COLGALT1: variants seen among roughly 807,000 people sequenced by gnomAD.
The protein encoded by COLGALT1 is collagen beta(1-O)galactosyltransferase 1.
COLGALT1 carries 43 observed loss-of-function variants against 60.8 expected under a neutral mutation model. The observed-to-expected ratio is 0.71, with a 90% CI of 0.55 to 0.91. The LOEUF (loss-of-function observed/expected upper bound fraction) is 0.91, where lower values mean the gene tolerates loss of function less well. COLGALT1 is among the 40% of genes least tolerant of loss of function. The pLI is 0.00. For missense variants in COLGALT1, 845 were observed against 880.0 expected (o/e 0.96, Z 0.50); for synonymous variants, 369 against 374.2 (o/e 0.99, Z 0.16).
chr19:17,579,545 T>C lies in COLGALT1; in HGVS notation c.1330T>C (p.Phe444Leu), dbSNP rs2076365810. Residue 444 changes from phenylalanine to leucine, a missense_variant, in exon 10 of 12, where the codon TTC (phenylalanine) becomes CTC (leucine). Coordinates refer to ENST00000252599, the MANE Select transcript of COLGALT1 (RefSeq NM_024656.4). ...GGATGACCTGCGTTTTGAGATCTTC[T>C]TCAAGAGACGTCTGATGAACCTCAT... ...FEDDLRFEIF[F>L]KRRLMNLMRD... The C allele has an allele frequency of 6.2e-7, 1 of 1,614,090 alleles. No homozygotes were observed. The highest frequency in any genetic ancestry group is 8.5e-7 in the Non-Finnish European group (1 of 1,180,008).
intron 8 of COLGALT1, 100 bp downstream of exon 8, chr19:17,577,567 G>A: frequency 8.9e-7 from 1 of 1,124,234 alleles, no homozygotes; most frequent in Non-Finnish European, 1.2e-6. Flanking sequence ...GGCGGGCGTG[G>A]TGTCCAAACA....
intron 7 of COLGALT1, 36 bp downstream of exon 7, chr19:17,577,307 T>G (rs779202260): frequency 1.2e-5 from 20 of 1,610,520 alleles, no homozygotes; most frequent in Admixed American, 1.7e-5. Flanking sequence ...GGGCGGGGGC[T>G]GGAGGGCCCT....
rs1568485020 is a variant in COLGALT1 at position 17,583,126 on chromosome 19, G to A, written c.*1682G>A. On this transcript the variant is annotated 3_prime_UTR_variant, in exon 12 of 12. Transcript: ENST00000252599. ...CACCCTCTTGGGGATAACTTGCTTA[G>A]TTTTTTAATAAATGTTCCTGGTTGG... is the stretch of plus-strand genomic sequence containing the variant. 6.6e-6 allele frequency: 1 copy of A among 152,244 alleles called. No individual in the cohort carries two copies. The highest frequency in any genetic ancestry group is 1.9e-4 in the East Asian group (1 of 5,200). The allele number at this position is 152,244 out of a possible 1,614,324, so 9.4% of individuals were successfully genotyped here.
rs1488245407 is a variant in COLGALT1, at chr19:17,559,334, A to G, written c.284A>G (p.Asp95Gly). The change falls in exon 2 of 12, where the codon GAT becomes GGT. Residue 95 changes from aspartate (D) to glycine (G), a missense_variant. By Grantham distance (94) the Asp-to-Gly change is moderately conservative (BLOSUM62 -1). Coordinates refer to ENST00000252599, the MANE Select transcript of COLGALT1 (RefSeq NM_024656.4). ...AGGGTGGCTACGGACCACAACATGG[A>G]TAACACGTCAACTGTGCTGCGGGAG... Reference protein sequence around the residue: ...ALWVATDHNMDNTSTVLREWL... With the variant: ...ALWVATDHNMGNTSTVLREWL... The G allele has an allele frequency of 1.9e-6, 3 of 1,552,360 alleles. No homozygotes were observed. Among genetic ancestry groups the G allele is most frequent in the East Asian group, 2.4e-5 (1 of 41,000 alleles).
chr19:17,580,675 G>A (rs751556546), intron 10 of COLGALT1, 24 bp from the exon 11 acceptor site: 1 of 1,613,046 alleles, frequency 6.2e-7, no homozygotes, highest in Non-Finnish European at 8.5e-7. Context: ...GGAGGAGAGT[G>A]ACAGGCCCGA....
In COLGALT1 at chr19:17,566,452, C is replaced by T. The variant is rs150019844; in HGVS notation, c.490-954C>T. Among the ~76,000 whole-genome samples the T allele has an allele frequency of 1.8e-4, 28 of 152,074 alleles. No individual in the cohort carries two copies. In the East Asian group the frequency reaches 4.1e-3, roughly 22 times the overall value. On this transcript the variant is annotated intron_variant, in intron 3 of 11. Transcript: ENST00000252599. Reference sequence around the variant, plus strand: ...TACATCCTGGTAGAGGGGGAACGTCCGGACCTAATCATTTTCTATGTGTGA... The same window carrying T: ...TACATCCTGGTAGAGGGGGAACGTCTGGACCTAATCATTTTCTATGTGTGA...
intron 3 of COLGALT1, among the ~76,000 whole-genome samples, chr19:17,561,647 A>C (rs1263657004): frequency 5.9e-5 from 9 of 151,590 alleles, no homozygotes; most frequent in African/African-American, 1.7e-4. Context: ...AAAAAAAAAA[A>C]AAAAAAAAAC....
chr19:17,581,481 G>C lies in COLGALT1; in HGVS notation c.*37G>C. ...CAGAAAGCCAAAGCAGCCATCGGTG[G>C]CCCAGGCTCCACGTGCTTACTGAGG... On this transcript the variant is annotated 3_prime_UTR_variant, in exon 12 of 12. Transcript: ENST00000252599. 1 of 1,585,774 alleles carries C rather than the reference G, an allele frequency of 6.3e-7. No individual in the cohort carries two copies.
At chr19:17,571,911 A>G (rs2076314955) in intron 5 of COLGALT1, 1 of 152,176 alleles carries the variant, frequency 6.6e-6, no homozygotes, top group Admixed American at 6.5e-5. Flanking sequence ...GTGTGCCATC[A>G]TAGCTCATGG....
At chr19:17,574,622 G>C (rs1042979861) in intron 6 of COLGALT1, among the ~76,000 whole-genome samples, 42 of 152,096 alleles carry the variant, frequency 2.8e-4, no homozygotes, top group African/African-American at 1.0e-3. Context: ...GTGTCACTGC[G>C]CCTGGCCTGG....
At chr19:17,579,385 C>G in intron 9 of COLGALT1, 97 bp from the exon 10 acceptor site, 1 of 1,545,688 alleles carries the variant, frequency 6.5e-7, no homozygotes, top group African/African-American at 1.4e-5. Context: ...ACTGGCTTCT[C>G]TACGGGTCTT....
intron 3 of COLGALT1, chr19:17,566,298 G>A (rs1189377774): frequency 2.0e-5 from 3 of 151,942 alleles, no homozygotes; most frequent in Admixed American, 1.3e-4. Flanking sequence ...GGGAGGTGGA[G>A]GTTGCAGTGA....
Position 17,561,089 on chromosome 19 carries a change from C to T in COLGALT1, c.489+624C>T, listed in dbSNP as rs774764035. On this transcript the variant is annotated intron_variant, in intron 3 of 11. Transcript: ENST00000252599. ...GCGTGGTGGCAGGTGCCTGTAATCC[C>T]GGCTACCTGGGAGGCTGAGGCAGGA... 1.4e-4 allele frequency among the ~76,000 whole-genome samples: 21 copies of T among 151,016 alleles called. No homozygotes were observed. The South Asian group carries it at 2.1e-3, about 15-fold the overall frequency.
chr19:17,572,104 G>A (rs1294217180), intron 5 of COLGALT1, among the ~76,000 whole-genome samples: 1 of 152,084 alleles, frequency 6.6e-6, no homozygotes, highest in African/African-American at 2.4e-5. Context: ...GAGGTCAGGA[G>A]ATCGAGACCA....
In COLGALT1 at chr19:17,560,428, T is replaced by G. The variant is rs1478523191; in HGVS notation, c.452T>G (p.Leu151Arg). ...EHVMKLRQAA[L>R]KSARDMWADY... Reference sequence around the variant, plus strand: ...GTCATGAAGTTGCGCCAGGCAGCCCTGAAATCAGCTCGAGACATGTGGGCT... The same window carrying G: ...GTCATGAAGTTGCGCCAGGCAGCCCGGAAATCAGCTCGAGACATGTGGGCT... Residue 151 changes from leucine (L) to arginine (R), a missense_variant, in exon 3 of 12, where the codon CTG becomes CGG. Physicochemically the swap from Leu to Arg is moderately radical, Grantham distance 102 (BLOSUM62 -2). Coordinates refer to ENST00000252599, the MANE Select transcript of COLGALT1 (RefSeq NM_024656.4). 1.9e-6 allele frequency: 3 copies of G among 1,614,182 alleles called. No homozygotes were observed. In the East Asian group the frequency reaches 6.7e-5, roughly 36 times the overall value.
rs996573471 is a variant in COLGALT1, at chr19:17,571,717, C to CA, written c.830-757dup. Among the ~76,000 whole-genome samples, 25 of 148,556 alleles carry CA rather than the reference C, an allele frequency of 1.7e-4. 1 individual carries two copies. Among genetic ancestry groups the CA allele is most frequent in the African/African-American group, 2.5e-4 (10 of 40,362 alleles). ...TGGGCGACAGAACGAGACTCTGTCT[C>CA]AAAAAAAAAGATACACACTCATCAA... On this transcript the variant is annotated intron_variant, in intron 5 of 11. Coordinates refer to ENST00000252599, the MANE Select transcript of COLGALT1 (RefSeq NM_024656.4).
At chr19:17,577,881 G>T in intron 8 of COLGALT1, 76 bp from the exon 9 acceptor site, 2 of 1,544,458 alleles carry the variant, frequency 1.3e-6, no homozygotes, top group Non-Finnish European at 1.7e-6. Context: ...GCCGCAGGGG[G>T]TGGTGGAATG....
At chr19:17,577,003 T>TGAGAGGCAGGACTGGGGGCGGGCTGAAGC in intron 6 of COLGALT1, 192 bp from the exon 7 acceptor site, 1 of 587,596 alleles carries the variant, frequency 1.7e-6, no homozygotes, top group Non-Finnish European at 3.0e-6. Flanking sequence ...TGGCCAGGGC[T>TGAGAGGCAGGACTGGGGGCGGGCTGAAGC]TTGGGCTGCT....
chr19:17,568,374 T>C, intron 4 of COLGALT1, 135 bp from the exon 5 acceptor site: 1 of 742,556 alleles, frequency 1.3e-6, no homozygotes, highest in Non-Finnish European at 2.4e-6. Context: ...GGCTTGAGTC[T>C]GGGGTCCTGG....
Sources: gnomAD v4.1 joint callset for allele counts (sites outside exome capture counted in the v4.1 genomes callset) on GRCh38, gnomAD v4.1.1 for gene constraint, MANE v1.5 for transcripts, NCBI Gene and HGNC (gene_info 2026-07-23, HGNC 2026-07-21) for gene names.